The following ING2 variants were observed in gnomAD, a reference collection of about 807,000 sequenced individuals.
ING2 encodes inhibitor of growth protein 2.
ING2 carries 7 observed loss-of-function variants against 30.6 expected under a neutral mutation model. That is an observed-to-expected ratio of 0.23 (90% CI 0.13 to 0.43). The LOEUF (loss-of-function observed/expected upper bound fraction) is 0.43. Among genes scored for constraint, ING2 ranks in the 20% least tolerant of loss-of-function variants. The pLI, the probability that ING2 is intolerant of heterozygous loss-of-function variation, is 1.00. For missense variants in ING2, 239 were observed against 334.9 expected, an observed-to-expected ratio of 0.71 and a Z score of 2.24; for synonymous variants, 136 against 121.7, an observed-to-expected ratio of 1.12 and a Z score of -0.78.
chr4:183,510,223 G>C, intron 1 of ING2, 59 bp from the exon 2 acceptor site: 1 of 1,204,892 alleles, frequency 8.3e-7, no homozygotes, highest in South Asian at 1.5e-5. Flanking sequence ...TAACTACCTT[G>C]GAAATGTTGT....
At chr4:183,507,502 AT>A (rs2111087857) in intron 1 of ING2, among the ~76,000 whole-genome samples, 1 of 152,350 alleles carries the variant, frequency 6.6e-6, no homozygotes, top group East Asian at 1.9e-4. Flanking sequence ...TGACAGGGAA[AT>A]CTTTCGGATC....
Position 183,510,483 on chromosome 4 carries a change from T to C in ING2, c.374T>C (p.Phe125Ser). 1 of 1,614,152 alleles carries C rather than the reference T, an allele frequency of 6.2e-7. No homozygotes were observed. Among genetic ancestry groups the C allele is most frequent in the Non-Finnish European group, 8.5e-7 (1 of 1,180,038 alleles). ...ARQMELHSQC[F>S]QDPAESERAS... ...CAAATGGAGTTACACTCACAGTGTT[T>C]CCAAGATCCTGCTGAAAGTGAACGA... The change falls in exon 2 of 2, where the codon TTC becomes TCC. Residue 125 changes from phenylalanine (F) to serine (S), a missense_variant. This residue lies in a region of ING2 where 115 missense variants were observed against 120.1 expected (regional missense o/e 0.96). Transcript: ENST00000302327.
At chr4:183,508,772 T>C (rs1468730642) in intron 1 of ING2, among the ~76,000 whole-genome samples, 2 of 152,234 alleles carry the variant, frequency 1.3e-5, no homozygotes, top group African/African-American at 2.4e-5. Context: ...CTCTTTGAGA[T>C]AGCATTACAT....
chr4:183,510,203 C>A, intron 1 of ING2, 79 bp from the exon 2 acceptor site: 1 of 1,047,240 alleles, frequency 9.5e-7, no homozygotes, highest in Non-Finnish European at 1.4e-6. Flanking sequence ...AATTTCAATT[C>A]TGTAAAAAAT....
chr4:183,505,230 C>T lies in ING2; in HGVS notation c.35C>T (p.Ser12Leu), dbSNP rs1316511044. The T allele has an allele frequency of 6.2e-7, 1 of 1,601,576 alleles. No homozygotes were observed. The highest frequency in any genetic ancestry group is 8.5e-7 in the Non-Finnish European group (1 of 1,175,280). ...CAGCAGCAGCAGCAACTGTACTCGT[C>T]GGCCGCGCTCCTGACCGGGGAGCGG... Reference protein sequence around the residue: ...LGQQQQQLYSSAALLTGERSR... With the variant: ...LGQQQQQLYSLAALLTGERSR... Residue 12 changes from serine to leucine, a missense_variant, in exon 1 of 2, where the codon TCG becomes TTG. This residue lies in a region of ING2 where 80 missense variants were observed against 102.4 expected (regional missense o/e 0.78). Transcript: ENST00000302327.
In ING2 at chr4:183,510,471, A is replaced by T. The variant is rs1212160016; in HGVS notation, c.362A>T (p.His121Leu). 6.2e-6 allele frequency: 10 copies of T among 1,614,048 alleles called. No individual in the cohort carries two copies. Among genetic ancestry groups the T allele is most frequent in the Non-Finnish European group, 8.5e-6 (10 of 1,180,030 alleles). Residue 121 changes from histidine (H) to leucine (L), a missense_variant, in exon 2 of 2, where the codon CAC becomes CTC. Around this residue, in one of 5 missense-constraint regions of ING2, gnomAD observed 115 missense variants for 120.1 expected, o/e 0.96. Coordinates refer to ENST00000302327, the MANE Select transcript of ING2 (RefSeq NM_001564.4). ...AATCGGGCAAGACAAATGGAGTTAC[A>T]CTCACAGTGTTTCCAAGATCCTGCT... ...VENRARQMEL[H>L]SQCFQDPAES...
chr4:183,507,605 T>C (rs1734682529), intron 1 of ING2, among the ~76,000 whole-genome samples: 1 of 152,222 alleles, frequency 6.6e-6, no homozygotes, highest in Non-Finnish European at 1.5e-5. Flanking sequence ...CTTAGCTCTA[T>C]GAAGTTTGTG....
Position 183,511,412 on chromosome 4 carries a change from A to G in ING2, c.*460A>G, listed in dbSNP as rs985485378. Among the ~76,000 whole-genome samples, 4 of 152,204 alleles carry G rather than the reference A, an allele frequency of 2.6e-5. No individual in the cohort carries two copies. Among genetic ancestry groups the G allele is most frequent in the Non-Finnish European group, 2.9e-5 (2 of 68,034 alleles). On this transcript the variant is annotated 3_prime_UTR_variant, in exon 2 of 2. Transcript: ENST00000302327. ...TTTGAGCTGCTTTTTCCCTAGTCCT[A>G]TTTATACGTTGGCTTGTTCATCTCT... is the stretch of plus-strand genomic sequence containing the variant.
At chr4:183,505,750 C>A (rs1465395165) in intron 1 of ING2, among the ~76,000 whole-genome samples, 1 of 152,064 alleles carries the variant, frequency 6.6e-6, no homozygotes, top group African/African-American at 2.4e-5. Context: ...CGGCCGGGCT[C>A]CCGCTGGTCT....
Position 183,511,157 on chromosome 4 carries a change from T to C in ING2, c.*205T>C. ...TATTTCCAACCAGGTAGTCTTCAGA[T>C]CACCTGATGAAAGGAGCAGGGAACA... On this transcript the variant is annotated 3_prime_UTR_variant, in exon 2 of 2. Transcript: ENST00000302327. 2.2e-6 allele frequency: 1 copy of C among 460,008 alleles called. No homozygotes were observed. The highest frequency in any genetic ancestry group is 3.8e-6 in the Non-Finnish European group (1 of 261,176). 28.5% of individuals were successfully genotyped at this position (460,008 alleles called of 1,614,324 possible).
intron 1 of ING2, among the ~76,000 whole-genome samples, chr4:183,509,448 CTT>C (rs1303539730): frequency 9.8e-5 from 14 of 142,670 alleles, no homozygotes; most frequent in African/African-American, 1.3e-4. Context: ...ATCTCTTATC[CTT>C]TTTTTTTTTT....
chr4:183,506,310 T>C, intron 1 of ING2: 1 of 1,303,766 alleles, frequency 7.7e-7, no homozygotes. Context: ...TCGCGGATCC[T>C]GGCTCCGCGT....
intron 1 of ING2, 70 bp downstream of exon 1, chr4:183,505,437 C>T (rs947642414): frequency 7.2e-7 from 1 of 1,382,892 alleles, no homozygotes; most frequent in Non-Finnish European, 9.7e-7. Flanking sequence ...TGCCACCTTC[C>T]CTTTCTCCCG....
chr4:183,506,445 C>T (rs1579167539), intron 1 of ING2: 3 of 565,764 alleles, frequency 5.3e-6, no homozygotes, highest in African/African-American at 3.8e-5. Context: ...CCACCCTTTG[C>T]CGGCCGACCC....
rs1160151525 is a variant in ING2 at position 183,510,470 on chromosome 4, C to A, written c.361C>A (p.His121Asn). The A allele has an allele frequency of 1.9e-6, 3 of 1,614,150 alleles. No homozygotes were observed. The highest frequency in any genetic ancestry group is 2.5e-6 in the Non-Finnish European group (3 of 1,180,022). Reference sequence around the variant, plus strand: ...AAATCGGGCAAGACAAATGGAGTTACACTCACAGTGTTTCCAAGATCCTGC... The same window carrying A: ...AAATCGGGCAAGACAAATGGAGTTAAACTCACAGTGTTTCCAAGATCCTGC... ...VENRARQMEL[H>N]SQCFQDPAES... The change falls in exon 2 of 2, where the codon CAC (histidine) becomes AAC (asparagine). Residue 121 changes from histidine to asparagine, a missense_variant. By Grantham distance (68) the His-to-Asn change is moderately conservative (BLOSUM62 1). Transcript: ENST00000302327.
intron 1 of ING2, chr4:183,505,963 A>C: frequency 2.0e-6 from 1 of 489,994 alleles, no homozygotes; most frequent in African/African-American, 2.2e-5. Flanking sequence ...GCCCTAGCCC[A>C]GTTCTTTCGG....
Position 183,510,649 on chromosome 4 carries a change from AAAG to A in ING2, c.543_545del (p.Lys182del). 2 of 1,614,184 alleles carry A rather than the reference AAAG, an allele frequency of 1.2e-6. No homozygotes were observed. Among genetic ancestry groups the A allele is most frequent in the Non-Finnish European group, 8.5e-7 (1 of 1,180,012 alleles). On this transcript the variant is annotated inframe_deletion, in exon 2 of 2. Coordinates refer to ENST00000302327, the MANE Select transcript of ING2 (RefSeq NM_001564.4). ...ACTGTGATGATCAGCCACCTAAAGA[AAAG>A]AAATCCAAGTCAGCAAAGAAAAAGA...
intron 1 of ING2, chr4:183,506,045 C>G: frequency 4.5e-6 from 5 of 1,104,070 alleles, no homozygotes; most frequent in Non-Finnish European, 5.6e-6. Flanking sequence ...GGAGGGCCCC[C>G]GCGCCGGGGG....
At chr4:183,505,841 G>T (rs1227991734) in intron 1 of ING2, among the ~76,000 whole-genome samples, 2 of 151,990 alleles carry the variant, frequency 1.3e-5, no homozygotes, top group Non-Finnish European at 1.5e-5. Context: ...GGGGCGAGAG[G>T]CCGCGGAGGC....
Sources: allele counts gnomAD v4.1 joint callset (sites outside exome capture counted in the v4.1 genomes callset), GRCh38; gene constraint gnomAD v4.1.1; regional missense constraint gnomAD v4.1.1; transcripts MANE v1.5; gene names NCBI Gene and HGNC (gene_info 2026-07-23, HGNC 2026-07-21).